The following USP34 variants were observed in gnomAD, a reference collection of about 807,000 sequenced individuals.
USP34 encodes ubiquitin carboxyl-terminal hydrolase 34.
Under a neutral mutation model 460.3 loss-of-function variants are expected in USP34, and 70 were observed. The ratio of observed to expected loss-of-function variants is 0.15; its 90% CI spans 0.13 to 0.19. The LOEUF (loss-of-function observed/expected upper bound fraction) is 0.19, where lower values mean the gene tolerates loss of function less well. Ranked by LOEUF, USP34 falls within the 10% of genes least tolerant of loss-of-function variation. The probability of loss-of-function intolerance (pLI) is 1.00; values close to 1 mark genes in which losing one functional copy is unlikely to be tolerated. For synonymous variants in USP34, 1,647 were observed against 1,405.3 expected, an observed-to-expected ratio of 1.17 and a Z score of -3.85; for missense variants, 3,985 against 4,236.2, an observed-to-expected ratio of 0.94 and a Z score of 1.65.
Position 61,323,636 on chromosome 2 carries a change from G to A in USP34, c.3013+1739C>T, listed in dbSNP as rs993834390. The stretch of plus-strand genomic sequence containing the variant: ...GTGAAGTGGTGGGGAGAACAGCCAT[G>A]ATGTGGGAGAAGTGAAGTTTTAGAT... On this transcript the variant is annotated intron_variant, in intron 21 of 79. Transcript: ENST00000398571. Among the ~76,000 whole-genome samples, 10 of 152,080 alleles carry A rather than the reference G, an allele frequency of 6.6e-5. No homozygotes were observed. The East Asian group carries it at 1.5e-3, about 23-fold the overall frequency.
rs200437828 is a variant in USP34 at position 61,283,309 on chromosome 2, G to T, written c.4874-40C>A. The stretch of plus-strand genomic sequence containing the variant: ...GAAAACAGTTCACTATAAAAGGTTT[G>T]TGCTAAAATGAAAACACAATGTTCA... On this transcript the variant is annotated intron_variant, in intron 36 of 79. Coordinates refer to ENST00000398571, the MANE Select transcript of USP34 (RefSeq NM_014709.4). 5.5e-4 allele frequency: 879 copies of T among 1,595,494 alleles called. 1 individual carries two copies. In the African/African-American group the frequency reaches 0.01, roughly 18 times the overall value.
intron 67 of USP34, among the ~76,000 whole-genome samples, chr2:61,218,342 T>C (rs993360718): frequency 2.7e-5 from 4 of 146,308 alleles, no homozygotes; most frequent in African/African-American, 1.0e-4. Context: ...AAAAGGCCCA[T>C]GGGCAGAGTG....
intron 27 of USP34, among the ~76,000 whole-genome samples, chr2:61,304,140 C>G (rs988770555): frequency 2.0e-5 from 3 of 152,098 alleles, no homozygotes; most frequent in Admixed American, 2.0e-4. Context: ...GCAAATGATC[C>G]GCCTGCCTTG....
chr2:61,395,728 G>A (rs1693500026), intron 3 of USP34, among the ~76,000 whole-genome samples: 1 of 142,726 alleles, frequency 7.0e-6, no homozygotes, highest in Non-Finnish European at 1.5e-5. Context: ...GGAGCTTGCA[G>A]TGAGCGGAGA....
In USP34 at chr2:61,221,626, C is replaced by T. The variant is rs1558473733; in HGVS notation, c.7795-20G>A. 6.2e-7 allele frequency: 1 copy of T among 1,604,182 alleles called. No homozygotes were observed. The highest frequency in any genetic ancestry group is 1.3e-5 in the African/African-American group (1 of 74,792). ...GGCTGCCTGTAAAACACATACATGA[C>T]TGTGTATTTAGATCAATCTGAACCC... is the stretch of plus-strand genomic sequence containing the variant. On this transcript the variant is annotated intron_variant, in intron 65 of 79. Coordinates refer to ENST00000398571, the MANE Select transcript of USP34 (RefSeq NM_014709.4).
chr2:61,400,264 C>G (rs1403302997), intron 3 of USP34, among the ~76,000 whole-genome samples: 4 of 152,060 alleles, frequency 2.6e-5, no homozygotes, highest in Non-Finnish European at 5.9e-5. Flanking sequence ...CACCCGCCAC[C>G]ACGCTTGGCT....
intron 27 of USP34, 135 bp from the exon 28 acceptor site, chr2:61,301,589 C>T: frequency 1.3e-6 from 1 of 755,528 alleles, no homozygotes; most frequent in South Asian, 2.0e-5. Flanking sequence ...ACAGAAAACT[C>T]AGTAGATTGA....
chr2:61,263,032 A>G (rs1013977188), intron 43 of USP34, among the ~76,000 whole-genome samples: 1 of 151,744 alleles, frequency 6.6e-6, no homozygotes, highest in Admixed American at 6.6e-5. Flanking sequence ...TTTTTAAGAT[A>G]GAGTCTTGCT....
intron 58 of USP34, among the ~76,000 whole-genome samples, chr2:61,231,759 T>G (rs1391472353): frequency 6.6e-6 from 1 of 151,840 alleles, no homozygotes; most frequent in Non-Finnish European, 1.5e-5. Context: ...TGTGTGCGTG[T>G]AGTCCTACCT....
At chr2:61,294,270 T>C (rs1224942436) in intron 32 of USP34, among the ~76,000 whole-genome samples, 7 of 150,206 alleles carry the variant, frequency 4.7e-5, no homozygotes, top group Admixed American at 1.3e-4. Flanking sequence ...CGCGTGAACC[T>C]GGGAGGCGGA....
chr2:61,466,901 CAAA>C (rs111921570), intron 1 of USP34, among the ~76,000 whole-genome samples: 5 of 105,630 alleles, frequency 4.7e-5, no homozygotes, highest in Non-Finnish European at 6.1e-5. Context: ...GACTCCGTGT[CAAA>C]AAAAAAAAAA....
At chr2:61,272,670 G>A (rs1572890606) in intron 41 of USP34, among the ~76,000 whole-genome samples, 2 of 152,246 alleles carry the variant, frequency 1.3e-5, no homozygotes, top group African/African-American at 4.8e-5. Context: ...TGTTAATTCA[G>A]ATCACATCTC....
intron 10 of USP34, among the ~76,000 whole-genome samples, chr2:61,357,496 T>C (rs1278552611): frequency 1.3e-5 from 2 of 151,928 alleles, no homozygotes; most frequent in African/African-American, 4.8e-5. Flanking sequence ...AAAATCTCAA[T>C]TCAACAACTA....
chr2:61,360,927 T>C (rs1260483187), intron 10 of USP34, among the ~76,000 whole-genome samples: 1 of 152,180 alleles, frequency 6.6e-6, no homozygotes, highest in Admixed American at 6.5e-5. Context: ...CTCCCCAAAG[T>C]GCTGGGATTA....
At chr2:61,414,595 G>T (rs1451654540) in intron 2 of USP34, among the ~76,000 whole-genome samples, 1 of 152,214 alleles carries the variant, frequency 6.6e-6, no homozygotes, top group Non-Finnish European at 1.5e-5. Flanking sequence ...TACCAGTGGA[G>T]GCGCCCAGGT....
intron 65 of USP34, among the ~76,000 whole-genome samples, chr2:61,222,299 G>A (rs1343830432): frequency 6.6e-6 from 1 of 152,132 alleles, no homozygotes; most frequent in Non-Finnish European, 1.5e-5. Context: ...TTACACACAT[G>A]CTGAGTCCTG....
rs759783314 is a variant in USP34 at position 61,294,990 on chromosome 2, C to T, written c.4420G>A (p.Glu1474Lys). 1.2e-6 allele frequency: 2 copies of T among 1,613,144 alleles called. No homozygotes were observed. Among genetic ancestry groups the T allele is most frequent in the Non-Finnish European group, 1.7e-6 (2 of 1,179,628 alleles). ...DLYPDSDDSS[E>K]DQVENSKNSW... ...TTTTTACTATTTTCCACTTGATCTT[C>T]ACTTGAATCATCTGAATCTGGATAA... The change falls in exon 32 of 80, where the codon GAA becomes AAA. Residue 1474 changes from glutamate to lysine, a missense_variant. Coordinates refer to ENST00000398571, the MANE Select transcript of USP34 (RefSeq NM_014709.4).
At chr2:61,462,240 AGG>A (rs77766479) in intron 1 of USP34, among the ~76,000 whole-genome samples, 3 of 141,746 alleles carry the variant, frequency 2.1e-5, no homozygotes, top group African/African-American at 7.9e-5. Flanking sequence ...ACTCCATCTC[AGG>A]GGGAAAAAAA....
intron 2 of USP34, among the ~76,000 whole-genome samples, chr2:61,419,885 A>G (rs1306762407): frequency 6.6e-6 from 1 of 152,144 alleles, no homozygotes; most frequent in African/African-American, 2.4e-5. Flanking sequence ...TGAGACTCAG[A>G]AAAGAAATGT....
Sources: gnomAD v4.1 joint callset for allele counts (sites outside exome capture counted in the v4.1 genomes callset) on GRCh38, gnomAD v4.1.1 for gene constraint, MANE v1.5 for transcripts, NCBI Gene and HGNC (gene_info 2026-07-23, HGNC 2026-07-21) for gene names.